The following NPTN variants were observed in gnomAD, a reference collection of about 807,000 sequenced individuals.
NPTN encodes SDR-1.
A neutral mutation model predicts 42.7 loss-of-function variants in NPTN; 5 were observed. That is an observed-to-expected ratio of 0.12 (90% CI 0.06 to 0.25). The LOEUF is 0.25. Among genes scored for constraint, NPTN ranks in the 10% least tolerant of loss-of-function variants. The pLI is 1.00. For missense variants in NPTN, 307 were observed against 525.4 expected (o/e 0.58, Z 4.06); for synonymous variants, 180 against 201.9 (o/e 0.89, Z 0.92).
chr15:73,625,431 T>G (rs1340109329), intron 1 of NPTN, among the ~76,000 whole-genome samples: 1 of 152,094 alleles, frequency 6.6e-6, no homozygotes, highest in Non-Finnish European at 1.5e-5. Flanking sequence ...GCTCCCGGGT[T>G]CACGCCATTC....
At chr15:73,602,940 A>C (rs1163991539) in intron 1 of NPTN, among the ~76,000 whole-genome samples, 1 of 152,230 alleles carries the variant, frequency 6.6e-6, no homozygotes, top group South Asian at 2.1e-4. Context: ...ATACCATTCA[A>C]AATGACCAAA....
intron 1 of NPTN, among the ~76,000 whole-genome samples, chr15:73,620,427 G>A (rs894381472): frequency 6.6e-6 from 1 of 152,122 alleles, no homozygotes; most frequent in Non-Finnish European, 1.5e-5. Flanking sequence ...GCCTTTTATA[G>A]GGCATTTTGG....
Position 73,597,423 on chromosome 15 carries a change from A to AG in NPTN, c.92-55dup. On this transcript the variant is annotated intron_variant, in intron 1 of 8. Coordinates refer to ENST00000345330, the MANE Select transcript of NPTN (RefSeq NM_012428.4). This position sits in a 1 kb window ranked among gnomAD's most constrained non-coding sequence, Gnocchi z 6.3. Reference sequence around the variant, plus strand: ...GACAGGCCAATCAGAAAAAAAAAAAAGAATCAACAGGTGTTAATAGTAATT... The same window carrying AG: ...GACAGGCCAATCAGAAAAAAAAAAAAGGAATCAACAGGTGTTAATAGTAATT... 7.7e-7 allele frequency: 1 copy of AG among 1,300,456 alleles called. No individual in the cohort carries two copies. Among genetic ancestry groups the AG allele is most frequent in the Non-Finnish European group, 1.1e-6 (1 of 934,964 alleles). 80.6% of individuals were successfully genotyped at this position (1,300,456 alleles called of 1,614,324 possible). A position where few individuals can be genotyped will look rare whatever the true frequency, so the allele number is the denominator to read the frequency against.
At chr15:73,561,089 G>GCACTGTCACTCACAACT (rs1245671179) in intron 8 of NPTN, 41 bp from the exon 9 acceptor site, 1 of 152,518 alleles carries the variant, frequency 6.6e-6, no homozygotes, top group African/African-American at 2.4e-5. Flanking sequence ...AAGGGATTAT[G>GCACTGTCACTCACAACT]CACTGTCACT....
chr15:73,624,636 C>A (rs1566992240), intron 1 of NPTN, among the ~76,000 whole-genome samples: 1 of 150,658 alleles, frequency 6.6e-6, no homozygotes, highest in Non-Finnish European at 1.5e-5. Flanking sequence ...ACTCTAGGAT[C>A]TTAAACATGA....
At chr15:73,629,913 T>C (rs1566995297) in intron 1 of NPTN, among the ~76,000 whole-genome samples, 3 of 152,026 alleles carry the variant, frequency 2.0e-5, no homozygotes, top group South Asian at 4.2e-4. Flanking sequence ...CTCACCAGAA[T>C]TGGCAATTGC....
At chr15:73,565,458 A>T (rs1566956118) in intron 6 of NPTN, among the ~76,000 whole-genome samples, 1 of 152,264 alleles carries the variant, frequency 6.6e-6, no homozygotes, top group Non-Finnish European at 1.5e-5. Context: ...AACTTGAAGA[A>T]AAGTGTTAAC....
intron 3 of NPTN, 146 bp downstream of exon 3, chr15:73,591,819 CT>C: frequency 1.5e-6 from 1 of 680,594 alleles, no homozygotes; most frequent in Non-Finnish European, 2.4e-6. Context: ...ACTACTGGGC[CT>C]TACCTGAGAT....
At chr15:73,622,818 T>C (rs1422257722) in intron 1 of NPTN, among the ~76,000 whole-genome samples, 3 of 152,188 alleles carry the variant, frequency 2.0e-5, no homozygotes, top group African/African-American at 2.4e-5. Flanking sequence ...CAAAGATACA[T>C]TCTTCCAGGG....
chr15:73,576,204 C>T (rs903843693), intron 4 of NPTN, among the ~76,000 whole-genome samples: 6 of 152,238 alleles, frequency 3.9e-5, no homozygotes, highest in East Asian at 1.9e-4. Flanking sequence ...ACCTGCTGAG[C>T]ACCCACTACA....
chr15:73,627,032 C>T (rs1898453497), intron 1 of NPTN, among the ~76,000 whole-genome samples: 2 of 152,142 alleles, frequency 1.3e-5, no homozygotes, highest in African/African-American at 2.4e-5. Flanking sequence ...GTCAGGAGTT[C>T]GAGATCAGCC....
chr15:73,603,940 T>A (rs1303863894), intron 1 of NPTN, among the ~76,000 whole-genome samples: 1 of 152,196 alleles, frequency 6.6e-6, no homozygotes, highest in Non-Finnish European at 1.5e-5. Context: ...TATAGGGTAG[T>A]TGTGAAAATC....
At chr15:73,604,031 T>C (rs964104455) in intron 1 of NPTN, among the ~76,000 whole-genome samples, 1 of 152,126 alleles carries the variant, frequency 6.6e-6, no homozygotes, top group Non-Finnish European at 1.5e-5. Flanking sequence ...AAATAAGCAT[T>C]TGGTATGACG....
At chr15:73,603,515 T>G (rs1897160866) in intron 1 of NPTN, among the ~76,000 whole-genome samples, 1 of 152,190 alleles carries the variant, frequency 6.6e-6, no homozygotes, top group South Asian at 2.1e-4. Context: ...CAAACTGGAA[T>G]GAACAAAGTG....
chr15:73,619,062 C>CAAA (rs61683372), intron 1 of NPTN, among the ~76,000 whole-genome samples: 82 of 61,148 alleles, frequency 1.3e-3, no homozygotes, highest in African/African-American at 4.1e-3. Context: ...GACCCTGTCT[C>CAAA]AAAAAAAAAA....
At chr15:73,588,902 C>A in intron 3 of NPTN, among the ~76,000 whole-genome samples, 1 of 152,242 alleles carries the variant, frequency 6.6e-6, no homozygotes, top group South Asian at 2.1e-4. Context: ...TATCCCATAC[C>A]GAGTACCTAG....
intron 1 of NPTN, among the ~76,000 whole-genome samples, chr15:73,602,139 G>A (rs1464276554): frequency 6.7e-6 from 1 of 149,174 alleles, no homozygotes; most frequent in African/African-American, 2.5e-5. Flanking sequence ...GCCCTATATA[G>A]GAGAGACTAT....
chr15:73,581,193 GATAA>G (rs1480696414), intron 4 of NPTN, among the ~76,000 whole-genome samples: 2 of 152,176 alleles, frequency 1.3e-5, no homozygotes, highest in East Asian at 3.8e-4. Context: ...GTCAGATACT[GATAA>G]ATTATCTGAT....
At chr15:73,564,456 A>G (rs1202234546) in intron 6 of NPTN, among the ~76,000 whole-genome samples, 1 of 152,210 alleles carries the variant, frequency 6.6e-6, no homozygotes, top group African/African-American at 2.4e-5. Context: ...GCCAGCACAC[A>G]CAGTGACTGG....
Sources: allele counts gnomAD v4.1 joint callset (sites outside exome capture counted in the v4.1 genomes callset), GRCh38; gene constraint gnomAD v4.1.1; non-coding constraint Gnocchi (gnomAD v3.1); transcripts MANE v1.5; gene names NCBI Gene and HGNC (gene_info 2026-07-23, HGNC 2026-07-21).